PPFIBP1: variants seen among roughly 807,000 people sequenced by gnomAD.
PPFIBP1 encodes liprin-beta-1.
PPFIBP1 carries 112 observed loss-of-function variants against 137.8 expected under a neutral mutation model. The ratio of observed to expected loss-of-function variants is 0.81; its 90% CI spans 0.70 to 0.95. The LOEUF (loss-of-function observed/expected upper bound fraction) is 0.95, where lower values mean the gene tolerates loss of function less well. Among genes scored for constraint, PPFIBP1 ranks in the 40% least tolerant of loss-of-function variants. The probability of loss-of-function intolerance (pLI) is 0.00; values close to 1 mark genes in which losing one functional copy is unlikely to be tolerated. For missense variants in PPFIBP1, 1,083 were observed against 1,196.6 expected (o/e 0.91, Z 1.40); for synonymous variants, 378 against 417.3 (o/e 0.91, Z 1.15).
chr12:27,553,911 T>C (rs1180530743), intron 1 of PPFIBP1, among the ~76,000 whole-genome samples: 7 of 152,358 alleles, frequency 4.6e-5, no homozygotes, highest in African/African-American at 1.7e-4. Flanking sequence ...CTTAAAAAAC[T>C]GATTAAAGAA....
intron 2 of PPFIBP1, among the ~76,000 whole-genome samples, chr12:27,623,810 A>G (rs2056561562): frequency 6.6e-6 from 1 of 152,182 alleles, no homozygotes; most frequent in Non-Finnish European, 1.5e-5. Flanking sequence ...AACAGGGCAT[A>G]TGGGAGCCAG....
chr12:27,551,726 T>A (rs1946800796), intron 1 of PPFIBP1, among the ~76,000 whole-genome samples: 1 of 152,240 alleles, frequency 6.6e-6, no homozygotes, highest in Non-Finnish European at 1.5e-5. Flanking sequence ...CTTTTCATGT[T>A]CGTCTTAATT....
chr12:27,534,586 A>C (rs1321857840), intron 1 of PPFIBP1, among the ~76,000 whole-genome samples: 1 of 152,188 alleles, frequency 6.6e-6, no homozygotes, highest in African/African-American at 2.4e-5. Flanking sequence ...GAATGAAATT[A>C]GACAAAGGGA....
At chr12:27,613,533 T>C (rs2055386088) in intron 2 of PPFIBP1, among the ~76,000 whole-genome samples, 1 of 151,860 alleles carries the variant, frequency 6.6e-6, no homozygotes, top group South Asian at 2.1e-4. Flanking sequence ...CAAAACCCCA[T>C]CTCTACTAAA....
At position 27,633,365 on chromosome 12, in the gene PPFIBP1, T is replaced by C; in HGVS notation, c.-32T>C. ...TGATAACCTTATTTTTTTTCAGATC[T>C]GGGTTGGAATTTGCCCCTGACAAAT... On this transcript the variant is annotated 5_prime_UTR_variant, in exon 3 of 30. Coordinates refer to ENST00000228425, the MANE Select transcript of PPFIBP1 (RefSeq NM_003622.4). The C allele has an allele frequency of 1.9e-6, 3 of 1,607,746 alleles. No homozygotes were observed. The highest frequency in any genetic ancestry group is 4.5e-5 in the East Asian group (2 of 44,810).
In PPFIBP1 at chr12:27,576,040, T is replaced by C. The variant is rs187951817; in HGVS notation, c.-123-2112T>C. On this transcript the variant is annotated intron_variant, in intron 1 of 29. Transcript: ENST00000228425. ...AGGCCAAATAATCAGAGCTCTGTGC[T>C]GAGGGAGGGATTGAATATACTCAGT... Among the ~76,000 whole-genome samples the C allele has an allele frequency of 1.8e-3, 270 of 152,312 alleles. 2 individuals carry two copies. The South Asian group carries it at 0.035, about 20-fold the overall frequency.
chr12:27,685,326 C>A (rs2061141002), intron 24 of PPFIBP1, among the ~76,000 whole-genome samples: 1 of 151,294 alleles, frequency 6.6e-6, no homozygotes, highest in South Asian at 2.1e-4. Context: ...TATTATAATA[C>A]TATTATTATC....
chr12:27,649,217 T>A (rs1478106773), intron 6 of PPFIBP1, among the ~76,000 whole-genome samples: 1 of 152,216 alleles, frequency 6.6e-6, no homozygotes, highest in Non-Finnish European at 1.5e-5. Flanking sequence ...CCTCGTAGGT[T>A]TCCATTCCTG....
rs1244249128 is a variant in PPFIBP1 at position 27,677,313 on chromosome 12, C to A, written c.1615+217C>A. On this transcript the variant is annotated intron_variant, in intron 19 of 29. Transcript: ENST00000228425. The stretch of plus-strand genomic sequence containing the variant: ...TGTTTTAACCAATACTAGTAACACT[C>A]ACTGTGTGAATAGCTTTGAGAGGAC... The A allele has an allele frequency of 2.0e-5, 12 of 605,258 alleles. 1 individual carries two copies. In the South Asian group the frequency reaches 2.4e-4, roughly 12 times the overall value. The allele number at this position is 605,258 out of a possible 1,614,324, so 37.5% of individuals were successfully genotyped here.
At chr12:27,579,484 C>T (rs74953169) in intron 2 of PPFIBP1, among the ~76,000 whole-genome samples, 1 of 152,214 alleles carries the variant, frequency 6.6e-6, no homozygotes, top group Admixed American at 6.5e-5. Context: ...CCTTGTGATG[C>T]CTTTGTTTAG....
chr12:27,677,026 G>A, intron 18 of PPFIBP1, 38 bp from the exon 19 acceptor site: 1 of 1,614,038 alleles, frequency 6.2e-7, no homozygotes, highest in Non-Finnish European at 8.5e-7. Context: ...TCTCCATTGG[G>A]CTGCGTGTGA....
At chr12:27,566,994 C>A (rs1354698618) in intron 1 of PPFIBP1, among the ~76,000 whole-genome samples, 1 of 152,174 alleles carries the variant, frequency 6.6e-6, no homozygotes, top group East Asian at 1.9e-4. Flanking sequence ...GCACATTGTG[C>A]CTCAGTTTAT....
At chr12:27,603,772 T>C (rs1328579482) in intron 2 of PPFIBP1, among the ~76,000 whole-genome samples, 1 of 152,176 alleles carries the variant, frequency 6.6e-6, no homozygotes, top group African/African-American at 2.4e-5. Flanking sequence ...AGGGATCCTT[T>C]TGGGCTAAGC....
At chr12:27,525,047 A>T (rs1402667471) in intron 1 of PPFIBP1, among the ~76,000 whole-genome samples, 1 of 152,108 alleles carries the variant, frequency 6.6e-6, no homozygotes, top group Non-Finnish European at 1.5e-5. Context: ...GAGAATCTTC[A>T]GATCTGTTTC....
intron 1 of PPFIBP1, among the ~76,000 whole-genome samples, chr12:27,539,515 G>T (rs1048476195): frequency 6.6e-6 from 1 of 152,100 alleles, no homozygotes; most frequent in Non-Finnish European, 1.5e-5. Context: ...GTTTTGATAC[G>T]TGAGACATGA....
At chr12:27,589,979 T>G (rs1443626178) in intron 2 of PPFIBP1, among the ~76,000 whole-genome samples, 1 of 152,232 alleles carries the variant, frequency 6.6e-6, no homozygotes, top group Non-Finnish European at 1.5e-5. Context: ...CTATGTTCTC[T>G]TCTTGTCTGC....
At chr12:27,685,207 C>G (rs986805645) in intron 24 of PPFIBP1, among the ~76,000 whole-genome samples, 1 of 149,988 alleles carries the variant, frequency 6.7e-6, no homozygotes, top group African/African-American at 2.5e-5. Flanking sequence ...ACTGTAGATA[C>G]ATAGAGTATG....
intron 1 of PPFIBP1, among the ~76,000 whole-genome samples, chr12:27,559,018 CCTGA>C (rs1239969226): frequency 1.6e-4 from 25 of 152,124 alleles, no homozygotes; most frequent in Non-Finnish European, 2.8e-4. Flanking sequence ...TGCCACCACA[CCTGA>C]CTAAGTTTTT....
intron 2 of PPFIBP1, among the ~76,000 whole-genome samples, chr12:27,579,484 C>G (rs74953169): frequency 0.02 from 2,989 of 152,208 alleles, 102 homozygotes; most frequent in African/African-American, 0.068. Context: ...CCTTGTGATG[C>G]CTTTGTTTAG....
Sources: allele counts gnomAD v4.1 joint callset (sites outside exome capture counted in the v4.1 genomes callset), GRCh38; gene constraint gnomAD v4.1.1; transcripts MANE v1.5; gene names NCBI Gene and HGNC (gene_info 2026-07-23, HGNC 2026-07-21).